The following LTBP1 variants were observed in gnomAD, a reference collection of about 807,000 sequenced individuals.
LTBP1 encodes the protein latent-transforming growth factor beta-binding protein 1.
LTBP1 carries 129 observed loss-of-function variants against 207.6 expected under a neutral mutation model. The ratio of observed to expected loss-of-function variants is 0.62; its 90% CI spans 0.54 to 0.72. The LOEUF (loss-of-function observed/expected upper bound fraction) is 0.72. LTBP1 is among the 30% of genes least tolerant of loss of function. The pLI is 0.00. For synonymous variants in LTBP1, 963 were observed against 833.7 expected (o/e 1.16, Z -2.67); for missense variants, 2,281 against 2,217.2 (o/e 1.03, Z -0.58).
intron 4 of LTBP1, among the ~76,000 whole-genome samples, chr2:33,125,445 G>T (rs2081372929): frequency 6.6e-6 from 1 of 152,078 alleles, no homozygotes; most frequent in African/African-American, 2.4e-5. Flanking sequence ...AATTTCTGTT[G>T]TTCTCAGAAT....
chr2:32,963,038 T>C (rs984161950), intron 2 of LTBP1, among the ~76,000 whole-genome samples: 1 of 152,238 alleles, frequency 6.6e-6, no homozygotes. Flanking sequence ...TCAGCTCTTT[T>C]GGGCTCCAGG....
intron 5 of LTBP1, among the ~76,000 whole-genome samples, chr2:33,166,974 A>T: frequency 6.6e-6 from 1 of 152,214 alleles, no homozygotes; most frequent in East Asian, 1.9e-4. Flanking sequence ...TTTTAAAAAT[A>T]TGCTGACTGA....
At chr2:33,048,117 A>G (rs1368136557) in intron 3 of LTBP1, among the ~76,000 whole-genome samples, 1 of 152,170 alleles carries the variant, frequency 6.6e-6, no homozygotes, top group Non-Finnish European at 1.5e-5. Flanking sequence ...ACCTGACACC[A>G]TTTTGGAGTG....
chr2:33,068,903 A>G (rs2077646906), intron 3 of LTBP1, among the ~76,000 whole-genome samples: 5 of 152,200 alleles, frequency 3.3e-5, no homozygotes, highest in Admixed American at 3.3e-4. Context: ...TATATACTAT[A>G]TGGGTCTTTA....
At chr2:33,246,008 T>G (rs2092496371) in intron 10 of LTBP1, among the ~76,000 whole-genome samples, 1 of 152,242 alleles carries the variant, frequency 6.6e-6, no homozygotes, top group South Asian at 2.1e-4. Flanking sequence ...GCACATTTCC[T>G]TAGCATTTAT....
chr2:33,223,343 A>T (rs1318961486), intron 9 of LTBP1, among the ~76,000 whole-genome samples: 1 of 152,232 alleles, frequency 6.6e-6, no homozygotes, highest in Non-Finnish European at 1.5e-5. Context: ...ATGCACATAC[A>T]GTCTGTCTTT....
intron 9 of LTBP1, among the ~76,000 whole-genome samples, chr2:33,222,471 T>C (rs62146730): frequency 0.015 from 2,314 of 152,350 alleles, 29 homozygotes; most frequent in Admixed American, 0.022. Context: ...TGTGCACACA[T>C]GTGCTTGCAG....
At chr2:33,271,679 A>G (rs2093325193) in intron 15 of LTBP1, among the ~76,000 whole-genome samples, 2 of 152,204 alleles carry the variant, frequency 1.3e-5, no homozygotes, top group Admixed American at 6.5e-5. Flanking sequence ...TGCTAATCCT[A>G]AAAACCATAA....
chr2:33,159,943 G>A (rs560961236), intron 5 of LTBP1, among the ~76,000 whole-genome samples: 57 of 152,134 alleles, frequency 3.7e-4, no homozygotes, highest in African/African-American at 1.2e-3. Context: ...GTGCAGTGGC[G>A]CAATCTCTGC....
At position 33,338,197 on chromosome 2, in the gene LTBP1, TC is replaced by T. The variant is rs531708799; in HGVS notation, c.3731-4640del. Reference sequence around the variant, plus strand: ...GGCATTCCACGTTATTTTTTCCTATTCATTCAAATCCAAAATATTGCTCATC... The same window carrying T: ...GGCATTCCACGTTATTTTTTCCTATTATTCAAATCCAAAATATTGCTCATC... On this transcript the variant is annotated intron_variant, in intron 24 of 33. Coordinates refer to ENST00000404816, the MANE Select transcript of LTBP1 (RefSeq NM_206943.4). 9.8e-4 allele frequency among the ~76,000 whole-genome samples: 150 copies of T among 152,326 alleles called. 1 individual carries two copies. The highest frequency in any genetic ancestry group is 4.6e-3 in the Admixed American group (70 of 15,308).
At chr2:33,244,786 C>G (rs2092453270) in intron 10 of LTBP1, among the ~76,000 whole-genome samples, 1 of 152,150 alleles carries the variant, frequency 6.6e-6, no homozygotes, top group African/African-American at 2.4e-5. Context: ...ATTTAAATGG[C>G]TGCATGGCAG....
intron 5 of LTBP1, among the ~76,000 whole-genome samples, chr2:33,184,882 T>C (rs1409067195): frequency 2.0e-5 from 3 of 151,592 alleles, no homozygotes; most frequent in Non-Finnish European, 2.9e-5. Context: ...TCTGGTTGAG[T>C]GAGGCATACA....
chr2:33,329,992 T>C (rs927588384), intron 24 of LTBP1, among the ~76,000 whole-genome samples: 1 of 152,108 alleles, frequency 6.6e-6, no homozygotes, highest in East Asian at 1.9e-4. Flanking sequence ...TTACAGTATT[T>C]AGTCATCTAA....
At chr2:33,031,014 A>G (rs2075667010) in intron 3 of LTBP1, among the ~76,000 whole-genome samples, 2 of 152,236 alleles carry the variant, frequency 1.3e-5, no homozygotes, top group South Asian at 4.1e-4. Context: ...AGCTCTTTTC[A>G]TATTAAAGAT....
At chr2:33,248,154 T>C (rs2092569608) in intron 10 of LTBP1, among the ~76,000 whole-genome samples, 1 of 152,258 alleles carries the variant, frequency 6.6e-6, no homozygotes. Flanking sequence ...CTGTACAAGC[T>C]GCTTGCTCCC....
At chr2:33,099,716 T>G (rs10195741) in intron 3 of LTBP1, among the ~76,000 whole-genome samples, 11,056 of 152,262 alleles carry the variant, frequency 0.073, 505 homozygotes, top group South Asian at 0.19. Flanking sequence ...TTGAGCACCA[T>G]GTGCCACGTG....
chr2:33,136,359 G>C (rs1423534505), intron 5 of LTBP1, among the ~76,000 whole-genome samples: 2 of 152,168 alleles, frequency 1.3e-5, no homozygotes, highest in Non-Finnish European at 2.9e-5. Context: ...GGGCATGCCA[G>C]TTAATATTTC....
chr2:33,185,665 G>A (rs1356524167), intron 5 of LTBP1, among the ~76,000 whole-genome samples: 1 of 152,178 alleles, frequency 6.6e-6, no homozygotes, highest in Non-Finnish European at 1.5e-5. Context: ...AGGTGTCATG[G>A]AAACCAAGGG....
chr2:33,153,979 T>G (rs1399392265), intron 5 of LTBP1, among the ~76,000 whole-genome samples: 1 of 152,222 alleles, frequency 6.6e-6, no homozygotes, highest in Non-Finnish European at 1.5e-5. Flanking sequence ...AGGTGGTTTA[T>G]GTTCCTCTAC....
Sources: gnomAD v4.1 joint callset for allele counts (sites outside exome capture counted in the v4.1 genomes callset) on GRCh38, gnomAD v4.1.1 for gene constraint, MANE v1.5 for transcripts, NCBI Gene and HGNC (gene_info 2026-07-23, HGNC 2026-07-21) for gene names.